The following IGFL4 variants were observed in gnomAD, a reference collection of about 807,000 sequenced individuals.
IGFL4 encodes the protein IGF like family member 4.
In IGFL4, 12 loss-of-function variants were observed where a neutral mutation model predicts 15.4. That is an observed-to-expected ratio of 0.78 (90% CI 0.50 to 1.26). The LOEUF (loss-of-function observed/expected upper bound fraction) is 1.26, where lower values mean the gene tolerates loss of function less well. IGFL4 is among the 50% of genes most tolerant of loss of function. The probability of loss-of-function intolerance (pLI) is 0.00; values close to 1 mark genes in which losing one functional copy is unlikely to be tolerated. For synonymous variants in IGFL4, 54 were observed against 55.9 expected, an observed-to-expected ratio of 0.97 and a Z score of 0.16; for missense variants, 126 against 147.8, an observed-to-expected ratio of 0.85 and a Z score of 0.76.
chr19:46,074,778 C>G lies in IGFL4; in HGVS notation c.-432+2242G>C, dbSNP rs115903297. On this transcript the variant is annotated intron_variant, in intron 1 of 5. Transcript: ENST00000601672. Reference sequence around the variant, plus strand: ...ACCCACTGACCCAAATGTTAATCTTCTTTGGCAATACCTTCACAGGCACAC... The same window carrying G: ...ACCCACTGACCCAAATGTTAATCTTGTTTGGCAATACCTTCACAGGCACAC... 3.7e-3 allele frequency among the ~76,000 whole-genome samples: 563 copies of G among 152,312 alleles called. 3 individuals are homozygous for G. Among genetic ancestry groups the G allele is most frequent in the African/African-American group, 0.013 (524 of 41,568 alleles).
intron 1 of IGFL4, among the ~76,000 whole-genome samples, chr19:46,071,138 T>TC (rs1969542114): frequency 1.3e-5 from 2 of 152,064 alleles, no homozygotes; most frequent in Admixed American, 1.3e-4. Flanking sequence ...GATCCTGTTT[T>TC]TTTTTTTTTC....
intron 2 of IGFL4, among the ~76,000 whole-genome samples, chr19:46,047,135 C>T (rs929333694): frequency 8.5e-5 from 13 of 152,314 alleles, no homozygotes; most frequent in African/African-American, 2.9e-4. Flanking sequence ...ACTGAACAAT[C>T]TGCTCCTGAA....
At chr19:46,068,073 G>A (rs1376346281) in intron 1 of IGFL4, among the ~76,000 whole-genome samples, 5 of 152,226 alleles carry the variant, frequency 3.3e-5, no homozygotes, top group Non-Finnish European at 7.3e-5. Flanking sequence ...GCTGAAGCGG[G>A]GAGAGAGCAG....
At chr19:46,046,737 A>G (rs571192415) in intron 2 of IGFL4, among the ~76,000 whole-genome samples, 6 of 152,260 alleles carry the variant, frequency 3.9e-5, no homozygotes, top group Non-Finnish European at 7.3e-5. Context: ...CATCCAATAC[A>G]GGAGAACCCA....
intron 2 of IGFL4, chr19:46,060,043 A>C (rs1182953558): frequency 6.6e-6 from 1 of 152,206 alleles, no homozygotes; most frequent in Non-Finnish European, 1.5e-5. Context: ...GTCAAGTTTG[A>C]TTCCTTAAAG....
At chr19:46,069,583 C>T (rs990814744) in intron 1 of IGFL4, among the ~76,000 whole-genome samples, 1 of 152,110 alleles carries the variant, frequency 6.6e-6, no homozygotes, top group Non-Finnish European at 1.5e-5. Context: ...TATCATACAT[C>T]CCCCCCTTGA....
At chr19:46,066,070 AT>A (rs1301851405) in intron 1 of IGFL4, among the ~76,000 whole-genome samples, 1 of 152,056 alleles carries the variant, frequency 6.6e-6, no homozygotes, top group South Asian at 2.1e-4. Flanking sequence ...CAGCCAGGTG[AT>A]TTTTTCTCTT....
intron 1 of IGFL4, among the ~76,000 whole-genome samples, chr19:46,068,709 C>T (rs1054582855): frequency 2.6e-5 from 4 of 152,128 alleles, no homozygotes; most frequent in Non-Finnish European, 4.4e-5. Flanking sequence ...GAGGAACCGC[C>T]GGGAAAGACT....
chr19:46,052,785 A>G (rs879790392), intron 2 of IGFL4, among the ~76,000 whole-genome samples: 2 of 151,848 alleles, frequency 1.3e-5, no homozygotes, highest in African/African-American at 2.4e-5. Context: ...CTTTGCAGAC[A>G]TGAAAACTAT....
upstream of IGFL4, among the ~76,000 whole-genome samples, chr19:46,043,379 G>T (rs1384204365): frequency 6.6e-6 from 1 of 152,150 alleles, no homozygotes; most frequent in Non-Finnish European, 1.5e-5. Context: ...TCTCCAAATT[G>T]TCTACAGATT....
chr19:46,042,713 C>G (rs1441090976), upstream of IGFL4, among the ~76,000 whole-genome samples: 2 of 152,198 alleles, frequency 1.3e-5, no homozygotes, highest in East Asian at 3.9e-4. Context: ...GACACTGAAA[C>G]AAAAGGGCCA....
Position 46,052,350 on chromosome 19 carries a change from A to G in IGFL4, c.-323+7835T>C, listed in dbSNP as rs150620402. ...ATCAACTCCAAAAGGAACCTTCAAA[A>G]CCATGCAAATACATGGAAATTAAAT... On this transcript the variant is annotated intron_variant, in intron 2 of 5. Coordinates refer to the IGFL4 transcript ENST00000601672. 3.3e-5 allele frequency among the ~76,000 whole-genome samples: 5 copies of G among 152,358 alleles called. No homozygotes were observed. In the East Asian group the frequency reaches 9.6e-4, roughly 29 times the overall value.
At chr19:46,068,612 G>C (rs537158107) in intron 1 of IGFL4, among the ~76,000 whole-genome samples, 1 of 152,176 alleles carries the variant, frequency 6.6e-6, no homozygotes, top group South Asian at 2.1e-4. Context: ...TGGTAGGAGG[G>C]TGGTGCACAC....
intron 2 of IGFL4, among the ~76,000 whole-genome samples, chr19:46,048,400 G>A (rs571710359): frequency 1.3e-5 from 2 of 152,090 alleles, no homozygotes; most frequent in African/African-American, 2.4e-5. Context: ...ATTCAACATA[G>A]TATTGGAAGT....
At chr19:46,061,509 G>A (rs1345607122) in intron 1 of IGFL4, among the ~76,000 whole-genome samples, 1 of 152,178 alleles carries the variant, frequency 6.6e-6, no homozygotes, top group Non-Finnish European at 1.5e-5. Context: ...ATTACTGGCA[G>A]GGTGGAGCCT....
At chr19:46,057,609 A>G (rs547807578) in intron 2 of IGFL4, 1 of 152,352 alleles carries the variant, frequency 6.6e-6, no homozygotes, top group African/African-American at 2.4e-5. Flanking sequence ...TTTCTTGATT[A>G]TAAGATAAAC....
intron 2 of IGFL4, chr19:46,059,956 G>A (rs1969429241): frequency 1.3e-5 from 2 of 152,148 alleles, no homozygotes; most frequent in South Asian, 4.1e-4. Flanking sequence ...CTTACCACAG[G>A]TCGGGAACCC....
chr19:46,042,635 C>CT (rs1019330097), upstream of IGFL4, among the ~76,000 whole-genome samples: 1 of 152,220 alleles, frequency 6.6e-6, no homozygotes, highest in South Asian at 2.1e-4. Context: ...GATTCAGACA[C>CT]TTTATTACTT....
At chr19:46,076,803 G>A (rs1969603558) in intron 1 of IGFL4, among the ~76,000 whole-genome samples, 1 of 151,910 alleles carries the variant, frequency 6.6e-6, no homozygotes, top group African/African-American at 2.4e-5. Context: ...TTAAAGATAC[G>A]TTTCACTCTA....
Sources: allele counts gnomAD v4.1 joint callset (sites outside exome capture counted in the v4.1 genomes callset), GRCh38; gene constraint gnomAD v4.1.1; transcripts MANE v1.5; gene names NCBI Gene and HGNC (gene_info 2026-07-23, HGNC 2026-07-21).